CAMTA1: variants seen among roughly 807,000 people sequenced by gnomAD.
CAMTA1 encodes the protein calmodulin binding transcription activator 1, also known as calmodulin-binding transcription activator 1.
Under a neutral mutation model 170.9 loss-of-function variants are expected in CAMTA1, and 27 were observed. The observed-to-expected ratio is 0.16, with a 90% CI of 0.12 to 0.22. The LOEUF is 0.22. Among genes scored for constraint, CAMTA1 ranks in the 10% least tolerant of loss-of-function variants. The probability of loss-of-function intolerance (pLI) is 1.00; values close to 1 mark genes in which losing one functional copy is unlikely to be tolerated. For synonymous variants in CAMTA1, 833 were observed against 891.5 expected (o/e 0.93, Z 1.17); for missense variants, 1,619 against 2,217.2 (o/e 0.73, Z 5.42).
chr1:7,288,365 T>C (rs1672646306), intron 5 of CAMTA1, among the ~76,000 whole-genome samples: 1 of 152,228 alleles, frequency 6.6e-6, no homozygotes, highest in South Asian at 2.1e-4. Flanking sequence ...GTTATTTAAT[T>C]GATCTCCTCA....
intron 6 of CAMTA1, among the ~76,000 whole-genome samples, chr1:7,544,172 G>A (rs2094654348): frequency 6.6e-6 from 1 of 152,154 alleles, no homozygotes; most frequent in Non-Finnish European, 1.5e-5. Flanking sequence ...TCAGAATCAT[G>A]GTGGGAAGCA....
intron 11 of CAMTA1, among the ~76,000 whole-genome samples, chr1:7,710,797 C>G (rs1376872464): frequency 2.0e-5 from 3 of 151,858 alleles, no homozygotes; most frequent in Non-Finnish European, 4.4e-5. Context: ...GCAAGATGGC[C>G]CACTCTGAGC....
intron 11 of CAMTA1, among the ~76,000 whole-genome samples, chr1:7,705,726 C>G (rs1478785586): frequency 6.6e-6 from 1 of 152,116 alleles, no homozygotes; most frequent in Non-Finnish European, 1.5e-5. Context: ...TCAGCGGGTG[C>G]GGGATCGGGC....
chr1:7,371,606 G>C lies in CAMTA1; in HGVS notation c.439-96224G>C, dbSNP rs974925030. 5.3e-5 allele frequency among the ~76,000 whole-genome samples: 8 copies of C among 152,312 alleles called. No homozygotes were observed. In the South Asian group the frequency reaches 6.2e-4, roughly 12 times the overall value. The stretch of plus-strand genomic sequence containing the variant: ...CCTGTCTGTATTTCAGAGTTTCCTG[G>C]CCGTCCTCATCAAAGGTGCTCAGGA... On this transcript the variant is annotated intron_variant, in intron 5 of 22. Transcript: ENST00000303635.
intron 6 of CAMTA1, among the ~76,000 whole-genome samples, chr1:7,560,653 G>A (rs2094944353): frequency 6.6e-6 from 1 of 152,002 alleles, no homozygotes; most frequent in Non-Finnish European, 1.5e-5. Context: ...GTGATGGATT[G>A]TGTTTTGAGG....
chr1:7,199,405 C>T (rs1456052549), intron 4 of CAMTA1, among the ~76,000 whole-genome samples: 1 of 152,240 alleles, frequency 6.6e-6, no homozygotes, highest in African/African-American at 2.4e-5. Context: ...AGGACGCCTG[C>T]TGCTCAGCGT....
chr1:7,644,464 G>A (rs773566093), intron 7 of CAMTA1, among the ~76,000 whole-genome samples: 4 of 152,212 alleles, frequency 2.6e-5, no homozygotes, highest in Non-Finnish European at 5.9e-5. Context: ...TTCAATGAAA[G>A]GGAAGCTCCT....
intron 6 of CAMTA1, among the ~76,000 whole-genome samples, chr1:7,529,115 T>C (rs769839537): frequency 4.6e-5 from 7 of 152,108 alleles, no homozygotes; most frequent in Non-Finnish European, 7.4e-5. Context: ...CACGGGTCTG[T>C]TGTGGATATG....
At chr1:6,926,446 TTCTTTCTTTC>T (rs1368612735) in intron 3 of CAMTA1, among the ~76,000 whole-genome samples, 19 of 55,820 alleles carry the variant, frequency 3.4e-4, no homozygotes, top group Non-Finnish European at 4.2e-4. Flanking sequence ...TTCTCTTTCT[TTCTTTCTTTC>T]TTTCTTTCTT....
intron 5 of CAMTA1, among the ~76,000 whole-genome samples, chr1:7,289,157 G>A (rs1317432143): frequency 6.6e-6 from 1 of 152,066 alleles, no homozygotes; most frequent in Admixed American, 6.6e-5. Context: ...GCACCGAGGA[G>A]GAAATCCGCC....
At chr1:7,383,573 T>C (rs2149080502) in intron 5 of CAMTA1, among the ~76,000 whole-genome samples, 1 of 152,270 alleles carries the variant, frequency 6.6e-6, no homozygotes, top group Non-Finnish European at 1.5e-5. Flanking sequence ...CATTACAACA[T>C]ATAAGGCACT....
At chr1:7,500,752 C>T (rs2093992900) in intron 6 of CAMTA1, among the ~76,000 whole-genome samples, 2 of 152,092 alleles carry the variant, frequency 1.3e-5, no homozygotes, top group Non-Finnish European at 2.9e-5. Flanking sequence ...TGTTCCCTTG[C>T]CTCAGAGTCT....
Position 7,738,368 on chromosome 1 carries a change from G to A in CAMTA1, c.4068G>A (p.Arg1356=). Reference sequence around the variant, plus strand: ...CAGCACCTTCACAGGTGCGTCCACGGGAACCAATGAGTGTCCTGATGATGG... The same window carrying A: ...CAGCACCTTCACAGGTGCGTCCACGAGAACCAATGAGTGTCCTGATGATGG... ...KEAAPSQVRP[R]EPMSVLMMAN... Residue 1356 remains arginine (R), a synonymous_variant, in exon 16 of 23, where the codon CGG becomes CGA. Transcript: ENST00000303635. The surrounding 1 kb of genome is among the most constrained non-coding windows in gnomAD (Gnocchi z 4.9). The A allele has an allele frequency of 6.2e-7, 1 of 1,614,202 alleles. No individual in the cohort carries two copies. Among genetic ancestry groups the A allele is most frequent in the Non-Finnish European group, 8.5e-7 (1 of 1,180,050 alleles).
intron 5 of CAMTA1, among the ~76,000 whole-genome samples, chr1:7,302,085 G>A (rs1267509957): frequency 6.6e-6 from 1 of 152,102 alleles, no homozygotes; most frequent in South Asian, 2.1e-4. Flanking sequence ...CTTTTGGAAA[G>A]GCAGGGGGAT....
intron 3 of CAMTA1, among the ~76,000 whole-genome samples, chr1:7,025,721 T>A (rs1701931774): frequency 6.6e-6 from 1 of 152,196 alleles, no homozygotes; most frequent in African/African-American, 2.4e-5. Context: ...AGGTGACTAC[T>A]ACTTACCAGC....
intron 5 of CAMTA1, among the ~76,000 whole-genome samples, chr1:7,324,527 T>C (rs1678981429): frequency 1.3e-5 from 2 of 152,248 alleles, no homozygotes; most frequent in African/African-American, 2.4e-5. Flanking sequence ...TTGTTTTGCA[T>C]GTGATCTTTT....
At chr1:6,930,974 T>G (rs1684306436) in intron 3 of CAMTA1, among the ~76,000 whole-genome samples, 1 of 152,260 alleles carries the variant, frequency 6.6e-6, no homozygotes, top group African/African-American at 2.4e-5. Context: ...CCCTAGCTTT[T>G]GAAATTCTAA....
chr1:7,087,246 TC>T (rs1322204835), intron 3 of CAMTA1, among the ~76,000 whole-genome samples: 1 of 152,218 alleles, frequency 6.6e-6, no homozygotes, highest in Non-Finnish European at 1.5e-5. Flanking sequence ...CGGGAGCATC[TC>T]CCGCTCTGTG....
intron 3 of CAMTA1, among the ~76,000 whole-genome samples, chr1:7,020,960 C>T (rs1441121444): frequency 2.6e-5 from 4 of 152,256 alleles, no homozygotes; most frequent in Non-Finnish European, 4.4e-5. Flanking sequence ...TTCTCCATCC[C>T]AGGCTTAGGC....
Sources: allele counts gnomAD v4.1 joint callset (sites outside exome capture counted in the v4.1 genomes callset), GRCh38; gene constraint gnomAD v4.1.1; non-coding constraint Gnocchi (gnomAD v3.1); transcripts MANE v1.5; gene names NCBI Gene and HGNC (gene_info 2026-07-23, HGNC 2026-07-21).